The following LRRN4 variants were observed in gnomAD, a reference collection of about 807,000 sequenced individuals.
LRRN4 encodes leucine-rich repeat neuronal protein 4.
LRRN4 carries 26 observed loss-of-function variants against 22.3 expected under a neutral mutation model. The ratio of observed to expected loss-of-function variants is 1.16; its 90% CI spans 0.85 to 1.62. The LOEUF (loss-of-function observed/expected upper bound fraction) is 1.62, where lower values mean the gene tolerates loss of function less well. LRRN4 is among the 40% of genes most tolerant of loss of function. LRRN4 has a pLI of 0.00. For synonymous variants in LRRN4, 496 were observed against 486.2 expected (o/e 1.02, Z -0.26); for missense variants, 1,070 against 1,008.5 (o/e 1.06, Z -0.83).
intron 2 of LRRN4, 67 bp downstream of exon 2, chr20:6,052,078 C>T (rs547316034): frequency 1.3e-6 from 2 of 1,506,356 alleles, no homozygotes; most frequent in South Asian, 1.3e-5. Context: ...AGCCCTGCCC[C>T]CCGGAGCGCA....
intron 2 of LRRN4, 101 bp downstream of exon 2, chr20:6,052,043 CG>C: frequency 7.2e-7 from 1 of 1,389,906 alleles, no homozygotes; most frequent in African/African-American, 1.5e-5. Flanking sequence ...GCTGGGCACC[CG>C]GGTCACCCCT....
rs1161613589 is a variant in LRRN4, at chr20:6,052,694, A to G, written c.106T>C (p.Trp36Arg). 10 of 1,572,276 alleles carry G rather than the reference A, an allele frequency of 6.4e-6. No homozygotes were observed. Among genetic ancestry groups the G allele is most frequent in the African/African-American group, 1.3e-5 (1 of 74,468 alleles). The change falls in exon 2 of 5, where the codon TGG becomes CGG. Residue 36 changes from tryptophan to arginine, a missense_variant. Coordinates refer to ENST00000378858, the MANE Select transcript of LRRN4 (RefSeq NM_152611.5). The stretch of plus-strand genomic sequence containing the variant: ...GTGGCGTTGCTGCCACTGCTCCCCC[A>G]GGGGCCCTGCTGAGTGACCCGGAAG... ...PLFRVTQQGP[W>R]GSSGSNATDS... is the part of the protein sequence containing the mutation.
chr20:6,043,768 G>A (rs942848672), intron 4 of LRRN4, among the ~76,000 whole-genome samples: 1 of 152,044 alleles, frequency 6.6e-6, no homozygotes, highest in Non-Finnish European at 1.5e-5. Context: ...AAATTAGCCG[G>A]GTGTGGTGGC....
intron 4 of LRRN4, among the ~76,000 whole-genome samples, chr20:6,042,918 C>CA (rs11482044): frequency 0.47 from 58,157 of 123,858 alleles, 13,254 homozygotes; most frequent in South Asian, 0.57. Context: ...GACTCTGTCT[C>CA]AAAAAAAAAA....
At chr20:6,042,695 C>T (rs544487102) in intron 4 of LRRN4, among the ~76,000 whole-genome samples, 3 of 152,118 alleles carry the variant, frequency 2.0e-5, no homozygotes, top group Admixed American at 2.0e-4. Context: ...CTGAGGCGGG[C>T]AGATCACAAG....
rs1385029642 is a variant in LRRN4 at position 6,041,710 on chromosome 20, G to A, written c.1535C>T (p.Pro512Leu). 2 of 1,613,444 alleles carry A rather than the reference G, an allele frequency of 1.2e-6. No individual in the cohort carries two copies. Among genetic ancestry groups the A allele is most frequent in the African/African-American group, 1.3e-5 (1 of 75,048 alleles). Residue 512 changes from proline (P) to leucine (L), a missense_variant, in exon 5 of 5, where the codon CCG (proline) becomes CTG (leucine). Transcript: ENST00000378858. The surrounding 1 kb of genome is among the most constrained non-coding windows in gnomAD (Gnocchi z 9.4). ...TGGAATCTCGCCCTCGGAAAGACTCGGGTTGGGGGCTTGGGGTGTGGCGTG... is the reference window on the plus strand; with the variant it reads ...TGGAATCTCGCCCTCGGAAAGACTCAGGTTGGGGGCTTGGGGTGTGGCGTG... ...RTHATPQAPN[P>L]SLSEGEIPVL...
chr20:6,044,000 T>C (rs1379044572), intron 4 of LRRN4, among the ~76,000 whole-genome samples: 1 of 152,144 alleles, frequency 6.6e-6, no homozygotes, highest in African/African-American at 2.4e-5. Context: ...GGTTTGAAAG[T>C]GCTCAGGACT....
chr20:6,041,630 C>T lies in LRRN4; in HGVS notation c.1615G>A (p.Gly539Arg). Reference protein sequence around the residue: ...EEEEGRKEEVGTPHQDVPCDY... With the variant: ...EEEEGRKEEVRTPHQDVPCDY... ...CAGGGGACGTCCTGGTGAGGCGTTC[C>T]CACCTCCTCCTTCCTCCCTTCCTCC... Residue 539 changes from glycine to arginine, a missense_variant, in exon 5 of 5, where the codon GGA (glycine) becomes AGA (arginine). Gly to Arg is a moderately radical substitution (Grantham distance 125). Coordinates refer to ENST00000378858, the MANE Select transcript of LRRN4 (RefSeq NM_152611.5). The surrounding 1 kb of genome is among the most constrained non-coding windows in gnomAD (Gnocchi z 9.4). 2 of 1,596,722 alleles carry T rather than the reference C, an allele frequency of 1.3e-6. No individual in the cohort carries two copies. Among genetic ancestry groups the T allele is most frequent in the Non-Finnish European group, 1.7e-6 (2 of 1,170,270 alleles).
chr20:6,051,272 C>T (rs1006810273), intron 2 of LRRN4, among the ~76,000 whole-genome samples: 1 of 152,216 alleles, frequency 6.6e-6, no homozygotes, highest in African/African-American at 2.4e-5. Flanking sequence ...GGCTTGAACC[C>T]AGGACACTGT....
intron 4 of LRRN4, among the ~76,000 whole-genome samples, chr20:6,042,608 C>A (rs1003037411): frequency 6.6e-6 from 1 of 152,086 alleles, no homozygotes; most frequent in Non-Finnish European, 1.5e-5. Context: ...TGCTTCCTGG[C>A]AAGAAAGCAC....
At chr20:6,043,218 GGTCAACATAGT>G (rs1981014985) in intron 4 of LRRN4, among the ~76,000 whole-genome samples, 1 of 152,004 alleles carries the variant, frequency 6.6e-6, no homozygotes, top group Admixed American at 6.5e-5. Flanking sequence ...AGACCATCCT[GGTCAACATAGT>G]GAGACCTCGT....
chr20:6,048,556 G>C (rs946020702), intron 3 of LRRN4, among the ~76,000 whole-genome samples: 3 of 152,178 alleles, frequency 2.0e-5, no homozygotes, highest in African/African-American at 7.2e-5. Flanking sequence ...TAACATCCCT[G>C]TGTCTCAGTT....
At chr20:6,050,699 T>C in intron 3 of LRRN4, 80 bp downstream of exon 3, 1 of 1,340,918 alleles carries the variant, frequency 7.5e-7, no homozygotes, top group Non-Finnish European at 1.1e-6. Flanking sequence ...AATTAAGGTC[T>C]GGTTTGTTCT....
intron 3 of LRRN4, among the ~76,000 whole-genome samples, chr20:6,049,230 G>A (rs926556646): frequency 2.0e-5 from 3 of 152,170 alleles, no homozygotes; most frequent in Non-Finnish European, 4.4e-5. Context: ...TCCTGAAGAA[G>A]CCTCTCTGAT....
At chr20:6,042,692 G>T (rs186158560) in intron 4 of LRRN4, among the ~76,000 whole-genome samples, 1 of 152,034 alleles carries the variant, frequency 6.6e-6, no homozygotes, top group African/African-American at 2.4e-5. Context: ...AAGCTGAGGC[G>T]GGCAGATCAC....
chr20:6,043,488 T>C (rs1220392352), intron 4 of LRRN4, among the ~76,000 whole-genome samples: 1 of 152,164 alleles, frequency 6.6e-6, no homozygotes, highest in Non-Finnish European at 1.5e-5. Flanking sequence ...TAGTCTCAGC[T>C]TCATCATTAA....
At chr20:6,051,553 C>T (rs949524745) in intron 2 of LRRN4, among the ~76,000 whole-genome samples, 1 of 152,046 alleles carries the variant, frequency 6.6e-6, no homozygotes, top group Non-Finnish European at 1.5e-5. Context: ...ATAGTAAAAC[C>T]GACCTTGTGA....
Position 6,052,800 on chromosome 20 carries a change from G to A in LRRN4, c.-1C>T, listed in dbSNP as rs921441807. The A allele has an allele frequency of 1.3e-6, 2 of 1,562,952 alleles. No individual in the cohort carries two copies. Among genetic ancestry groups the A allele is most frequent in the Non-Finnish European group, 1.7e-6 (2 of 1,161,814 alleles). Reference sequence around the variant, plus strand: ...GCAGCAGCGGTAGGGTTTGCCGCATGGCGTCTGGGGAGAGAACAGCAGGAC... The same window carrying A: ...GCAGCAGCGGTAGGGTTTGCCGCATAGCGTCTGGGGAGAGAACAGCAGGAC... On this transcript the variant is annotated 5_prime_UTR_variant, in exon 2 of 5. Coordinates refer to ENST00000378858, the MANE Select transcript of LRRN4 (RefSeq NM_152611.5).
intron 3 of LRRN4, among the ~76,000 whole-genome samples, chr20:6,047,818 C>T (rs971373428): frequency 1.7e-4 from 26 of 150,394 alleles, no homozygotes; most frequent in Admixed American, 1.3e-4. Context: ...GACCCACAGG[C>T]GTCACGAGAC....
Sources: gnomAD v4.1 joint callset for allele counts (sites outside exome capture counted in the v4.1 genomes callset) on GRCh38, gnomAD v4.1.1 for gene constraint, Gnocchi (gnomAD v3.1) non-coding constraint, MANE v1.5 for transcripts, NCBI Gene and HGNC (gene_info 2026-07-23, HGNC 2026-07-21) for gene names.